Variants in CACNA1A observed in about 807,000 individuals in gnomAD.
The protein encoded by CACNA1A is calcium voltage-gated channel subunit alpha1 A, also known as voltage-dependent P/Q-type calcium channel subunit alpha-1A.
A neutral mutation model predicts 262.4 loss-of-function variants in CACNA1A; 57 were observed. The ratio of observed to expected loss-of-function variants is 0.22; its 90% CI spans 0.18 to 0.27. The LOEUF (loss-of-function observed/expected upper bound fraction) is 0.27, where lower values mean the gene tolerates loss of function less well. Among genes scored for constraint, CACNA1A ranks in the 10% least tolerant of loss-of-function variants. The pLI is 1.00. For missense variants in CACNA1A, 2,526 were observed against 3,562.8 expected, an observed-to-expected ratio of 0.71 and a Z score of 7.41; for synonymous variants, 1,431 against 1,419.3, an observed-to-expected ratio of 1.01 and a Z score of -0.18.
intron 38 of CACNA1A, among the ~76,000 whole-genome samples, chr19:13,219,635 C>T (rs1247971971): frequency 6.6e-6 from 1 of 152,110 alleles, no homozygotes; most frequent in African/African-American, 2.4e-5. Flanking sequence ...ATTGCCCAGG[C>T]TATGAAGGGA....
intron 6 of CACNA1A, among the ~76,000 whole-genome samples, chr19:13,336,594 G>GGAGAGGGAGAGAGAGAGAGAGA (rs1555768096): frequency 4.6e-5 from 3 of 65,494 alleles, no homozygotes; most frequent in African/African-American, 1.5e-4. Flanking sequence ...AGAGAGAGAG[G>GGAGAGGGAGAGAGAGAGAGAGA]GAGAGAGAGA....
chr19:13,453,396 A>G (rs533602079), intron 2 of CACNA1A, among the ~76,000 whole-genome samples: 4 of 152,380 alleles, frequency 2.6e-5, no homozygotes, highest in African/African-American at 9.6e-5. Context: ...CTACATTTCA[A>G]GTGACAATCC....
rs1599365995 is a variant in CACNA1A at position 13,397,653 on chromosome 19, G to C, written c.540-25874C>G. Among the ~76,000 whole-genome samples, 5 of 152,100 alleles carry C rather than the reference G, an allele frequency of 3.3e-5. No individual in the cohort carries two copies. In the South Asian group the frequency reaches 1.0e-3, roughly 32 times the overall value. On this transcript the variant is annotated intron_variant, in intron 3 of 46. Coordinates refer to ENST00000360228, the MANE Select transcript of CACNA1A (RefSeq NM_001127222.2). ...AATGTGGAGCTTGATTCTCAGTGAG[G>C]ACCCACGCAAAGACTCATGTCTGTC...
chr19:13,299,913 A>T (rs2057753162), intron 18 of CACNA1A, among the ~76,000 whole-genome samples: 1 of 152,142 alleles, frequency 6.6e-6, no homozygotes, highest in African/African-American at 2.4e-5. Flanking sequence ...ATCATCAGGC[A>T]TTCGATTCTT....
intron 19 of CACNA1A, among the ~76,000 whole-genome samples, chr19:13,289,204 C>T (rs1007319360): frequency 1.1e-4 from 17 of 149,102 alleles, no homozygotes; most frequent in African/African-American, 2.7e-4. Context: ...TGCAGTGGCG[C>T]GATCTCAGCT....
At chr19:13,487,963 A>C (rs1209596932) in intron 1 of CACNA1A, among the ~76,000 whole-genome samples, 3 of 151,664 alleles carry the variant, frequency 2.0e-5, no homozygotes, top group African/African-American at 4.9e-5. Context: ...GCACCACTAC[A>C]CCTGGGTAAT....
At chr19:13,446,250 GAAA>G (rs59977753) in intron 3 of CACNA1A, among the ~76,000 whole-genome samples, 17,938 of 90,078 alleles carry the variant, frequency 0.2, 1,829 homozygotes, top group African/African-American at 0.33. Flanking sequence ...ACTCTGTCCC[GAAA>G]AAAAAAAAAA....
intron 3 of CACNA1A, among the ~76,000 whole-genome samples, chr19:13,406,149 C>T (rs1161191740): frequency 5.9e-5 from 9 of 151,542 alleles, no homozygotes; most frequent in Non-Finnish European, 1.0e-4. Context: ...AACCACATCT[C>T]TATAAAAAAA....
intron 23 of CACNA1A, 22 bp from the exon 24 acceptor site, chr19:13,275,978 G>A (rs2057137647): frequency 3.9e-6 from 6 of 1,526,842 alleles, no homozygotes; most frequent in Non-Finnish European, 5.4e-6. Flanking sequence ...AAGAGAGGGT[G>A]CTCAGAACCC....
chr19:13,499,447 T>TTG (rs1555795929), intron 1 of CACNA1A, among the ~76,000 whole-genome samples: 1 of 87,678 alleles, frequency 1.1e-5, no homozygotes, highest in African/African-American at 4.8e-5. Flanking sequence ...TCGCAGGGGG[T>TTG]GGTGGGGGGG....
At chr19:13,255,050 G>T (rs749495896) in intron 29 of CACNA1A, 45 bp downstream of exon 29, 2 of 1,596,962 alleles carry the variant, frequency 1.3e-6, no homozygotes, top group Non-Finnish European at 1.7e-6. Context: ...AGGCAGGAAC[G>T]AGGTGGGGGT....
chr19:13,434,693 A>G (rs1391500469), intron 3 of CACNA1A, among the ~76,000 whole-genome samples: 1 of 152,184 alleles, frequency 6.6e-6, no homozygotes, highest in Admixed American at 6.5e-5. Context: ...GAAGCTGAGC[A>G]GATGCTGCCA....
At position 13,207,797 on chromosome 19, in the gene CACNA1A, G is replaced by A; in HGVS notation, c.7037C>T (p.Ala2346Val). 1 of 1,419,178 alleles carries A rather than the reference G, an allele frequency of 7.0e-7. No homozygotes were observed. The highest frequency in any genetic ancestry group is 9.1e-7 in the Non-Finnish European group (1 of 1,094,468). 87.9% of individuals were successfully genotyped at this position (1,419,178 alleles called of 1,614,324 possible). ...SGPRRYPGPT[A>V]EPLAGDRPPT... ...CGGCCGATCTCCGGCCAGAGGCTCG[G>A]CCGTGGGGCCTGGGTACCTCCGAGG... Residue 2346 changes from alanine (A) to valine (V), a missense_variant, in exon 47 of 47, where the codon GCC becomes GTC. Physicochemically the swap from Ala to Val is moderately conservative, Grantham distance 64. Around this residue, in one of 17 missense-constraint regions of CACNA1A, gnomAD observed 929 missense variants for 868.1 expected, o/e 1.07. Coordinates refer to ENST00000360228, the MANE Select transcript of CACNA1A (RefSeq NM_001127222.2). This position sits in a 1 kb window ranked among gnomAD's most constrained non-coding sequence, Gnocchi z 5.7.
At chr19:13,267,316 G>T (rs962540908) in intron 24 of CACNA1A, among the ~76,000 whole-genome samples, 1 of 152,104 alleles carries the variant, frequency 6.6e-6, no homozygotes, top group African/African-American at 2.4e-5. Flanking sequence ...GGCAGCAGTT[G>T]GGGGAGCCTC....
intron 1 of CACNA1A, among the ~76,000 whole-genome samples, chr19:13,474,347 C>A (rs568256782): frequency 3.9e-5 from 6 of 152,180 alleles, no homozygotes; most frequent in Non-Finnish European, 7.3e-5. Flanking sequence ...CGCTTCAGAG[C>A]TATTTGTTAA....
intron 7 of CACNA1A, among the ~76,000 whole-genome samples, chr19:13,334,877 T>TAA (rs926085922): frequency 1.5e-4 from 22 of 150,962 alleles, no homozygotes; most frequent in African/African-American, 5.4e-4. Context: ...CTATGAAAAA[T>TAA]AAAAAATGTA....
At chr19:13,277,957 G>A (rs562327042) in intron 22 of CACNA1A, 2 of 152,184 alleles carry the variant, frequency 1.3e-5, no homozygotes, top group Admixed American at 6.5e-5. Flanking sequence ...GCATGGTGGC[G>A]TGTGCCTGTA....
intron 19 of CACNA1A, among the ~76,000 whole-genome samples, chr19:13,292,128 G>C (rs996342680): frequency 1.4e-4 from 22 of 152,150 alleles, no homozygotes; most frequent in African/African-American, 4.1e-4. Context: ...TGACAGTCTG[G>C]GAAAGTTCCA....
intron 4 of CACNA1A, 173 bp downstream of exon 4, chr19:13,371,515 G>C: frequency 1.7e-6 from 1 of 591,552 alleles, no homozygotes; most frequent in Non-Finnish European, 3.1e-6. Flanking sequence ...AGGAGCTCAT[G>C]GGGAGCTACA....
Sources: allele counts gnomAD v4.1 joint callset (sites outside exome capture counted in the v4.1 genomes callset), GRCh38; gene constraint gnomAD v4.1.1; regional missense constraint gnomAD v4.1.1; non-coding constraint Gnocchi (gnomAD v3.1); transcripts MANE v1.5; gene names NCBI Gene and HGNC (gene_info 2026-07-23, HGNC 2026-07-21).